NRXN1: variants seen among roughly 807,000 people sequenced by gnomAD.
NRXN1 encodes neurexin 1.
In NRXN1, 39 loss-of-function variants were observed where a neutral mutation model predicts 150.9. The ratio of observed to expected loss-of-function variants is 0.26; its 90% CI spans 0.20 to 0.34. The LOEUF (loss-of-function observed/expected upper bound fraction) is 0.34. Among genes scored for constraint, NRXN1 ranks in the 10% least tolerant of loss-of-function variants. The probability of loss-of-function intolerance (pLI) is 1.00; values close to 1 mark genes in which losing one functional copy is unlikely to be tolerated. For synonymous variants in NRXN1, 924 were observed against 757.0 expected (o/e 1.22, Z -3.62); for missense variants, 1,815 against 1,949.9 (o/e 0.93, Z 1.30).
chr2:50,890,442 T>C lies in NRXN1; in HGVS notation c.832+31427A>G, dbSNP rs149800779. Among the ~76,000 whole-genome samples the C allele has an allele frequency of 5.3e-5, 8 of 151,972 alleles. No individual in the cohort carries two copies. In the East Asian group the frequency reaches 1.6e-3, roughly 30 times the overall value. On this transcript the variant is annotated intron_variant, in intron 5 of 22. Transcript: ENST00000401669. ...AAAAGACTGAAACTGACTTATTTTA[T>C]TTAATGGAGGACATTTAAGGAGTGA...
At chr2:50,685,684 A>G (rs1691124109) in intron 5 of NRXN1, among the ~76,000 whole-genome samples, 1 of 152,124 alleles carries the variant, frequency 6.6e-6, no homozygotes, top group South Asian at 2.1e-4. Flanking sequence ...AATCCATTTT[A>G]CAATTAATTT....
intron 2 of NRXN1, among the ~76,000 whole-genome samples, chr2:50,952,905 G>T (rs1691633756): frequency 6.6e-6 from 1 of 152,184 alleles, no homozygotes; most frequent in African/African-American, 2.4e-5. Context: ...CAGAGCTCAA[G>T]CTGCTAGAAG....
chr2:50,729,254 G>A (rs543768837), intron 5 of NRXN1, among the ~76,000 whole-genome samples: 15 of 152,072 alleles, frequency 9.9e-5, no homozygotes, highest in African/African-American at 2.7e-4. Context: ...TATTATTTCC[G>A]AAATTAGGTT....
intron 17 of NRXN1, among the ~76,000 whole-genome samples, chr2:50,388,571 C>A: frequency 6.6e-6 from 1 of 152,132 alleles, no homozygotes; most frequent in Non-Finnish European, 1.5e-5. Context: ...TGCTTCTCAG[C>A]AGGAAGTTGG....
At chr2:50,943,835 A>G (rs780049302) in intron 2 of NRXN1, among the ~76,000 whole-genome samples, 17 of 152,354 alleles carry the variant, frequency 1.1e-4, no homozygotes, top group Non-Finnish European at 2.1e-4. Context: ...GACATGTTAG[A>G]AAACAGTAGA....
chr2:50,916,822 T>C (rs182281733), intron 5 of NRXN1: 2 of 151,762 alleles, frequency 1.3e-5, no homozygotes, highest in Admixed American at 1.3e-4. Flanking sequence ...ATTACAGAAA[T>C]ACATTCAAGC....
chr2:50,208,842 T>C (rs1169883742), intron 18 of NRXN1, among the ~76,000 whole-genome samples: 1 of 152,154 alleles, frequency 6.6e-6, no homozygotes, highest in Non-Finnish European at 1.5e-5. Context: ...CGTTAACACA[T>C]TTGATGTTAA....
At chr2:50,187,600 A>T (rs1263127524) in intron 18 of NRXN1, among the ~76,000 whole-genome samples, 2 of 152,136 alleles carry the variant, frequency 1.3e-5, no homozygotes, top group African/African-American at 4.8e-5. Context: ...TATAAAATTT[A>T]AAGCAGAGTT....
At chr2:50,514,992 C>T (rs953647907) in intron 12 of NRXN1, among the ~76,000 whole-genome samples, 5 of 152,136 alleles carry the variant, frequency 3.3e-5, no homozygotes, top group Admixed American at 3.3e-4. Context: ...GCTCCCCACC[C>T]CCCAGGCCAC....
At chr2:50,760,860 G>A (rs1233672102) in intron 5 of NRXN1, among the ~76,000 whole-genome samples, 1 of 151,824 alleles carries the variant, frequency 6.6e-6, no homozygotes, top group Non-Finnish European at 1.5e-5. Context: ...TATCTACCTT[G>A]CTTATAGCCA....
intron 5 of NRXN1, among the ~76,000 whole-genome samples, chr2:50,669,303 C>A (rs1030943463): frequency 1.3e-5 from 2 of 151,840 alleles, no homozygotes; most frequent in African/African-American, 4.8e-5. Context: ...ATTAGGGAGA[C>A]TGAGCTTTAT....
chr2:50,033,087 C>G (rs1279587653), intron 21 of NRXN1, among the ~76,000 whole-genome samples: 1 of 151,684 alleles, frequency 6.6e-6, no homozygotes, highest in African/African-American at 2.4e-5. Context: ...TCTCTATTAA[C>G]TAAAATTTAA....
chr2:50,726,026 G>C (rs1361628060), intron 5 of NRXN1, among the ~76,000 whole-genome samples: 1 of 152,134 alleles, frequency 6.6e-6, no homozygotes. Flanking sequence ...CAGTACCATA[G>C]AAGCTTTGTC....
In NRXN1 at chr2:49,921,888, T is replaced by C. The variant is rs1668267231; in HGVS notation, c.*56A>G. On this transcript the variant is annotated 3_prime_UTR_variant, in exon 23 of 23. Transcript: ENST00000401669. ...AAGGAAAGTAAATAAGTTTATATTA[T>C]GTCTCAGATAAAATGAAGACTATTT... The C allele has an allele frequency of 6.5e-7, 1 of 1,539,370 alleles. No homozygotes were observed. The highest frequency in any genetic ancestry group is 9.0e-7 in the Non-Finnish European group (1 of 1,115,650).
intron 5 of NRXN1, among the ~76,000 whole-genome samples, chr2:50,901,918 G>A (rs2103964881): frequency 6.6e-6 from 1 of 152,262 alleles, no homozygotes; most frequent in Admixed American, 6.5e-5. Flanking sequence ...ATGGAAGATG[G>A]AGACACTAAG....
chr2:50,733,814 T>C (rs1291872084), intron 5 of NRXN1, among the ~76,000 whole-genome samples: 3 of 152,150 alleles, frequency 2.0e-5, no homozygotes, highest in African/African-American at 4.8e-5. Flanking sequence ...TTCTAAGAAA[T>C]TGAACTTAAC....
intron 2 of NRXN1, among the ~76,000 whole-genome samples, chr2:51,024,226 G>C (rs1223620458): frequency 1.3e-5 from 2 of 152,104 alleles, no homozygotes; most frequent in Admixed American, 6.6e-5. Flanking sequence ...ATATAAAAAA[G>C]CTATGTACCC....
At chr2:50,054,901 C>G (rs1042395143) in intron 20 of NRXN1, 54 bp downstream of exon 20, 41 of 1,197,974 alleles carry the variant, frequency 3.4e-5, no homozygotes, top group Non-Finnish European at 1.2e-6. Context: ...TGAAGTACTA[C>G]TTGGTTATGT....
At chr2:50,831,153 T>C (rs1671355228) in intron 5 of NRXN1, among the ~76,000 whole-genome samples, 2 of 152,168 alleles carry the variant, frequency 1.3e-5, no homozygotes, top group Non-Finnish European at 2.9e-5. Flanking sequence ...AAAACAAATA[T>C]GTGTGGTCAA....
Sources: gnomAD v4.1 joint callset for allele counts (sites outside exome capture counted in the v4.1 genomes callset) on GRCh38, gnomAD v4.1.1 for gene constraint, MANE v1.5 for transcripts, NCBI Gene and HGNC (gene_info 2026-07-23, HGNC 2026-07-21) for gene names.